NFIA: variants seen among roughly 807,000 people sequenced by gnomAD.
The protein encoded by NFIA is nuclear factor 1 A-type.
A neutral mutation model predicts 62.8 loss-of-function variants in NFIA; 8 were observed. The ratio of observed to expected loss-of-function variants is 0.13; its 90% CI spans 0.07 to 0.23. NFIA has a LOEUF of 0.23. NFIA is among the 10% of genes least tolerant of loss of function. The pLI is 1.00. For synonymous variants in NFIA, 235 were observed against 238.1 expected (o/e 0.99, Z 0.12); for missense variants, 410 against 642.1 (o/e 0.64, Z 3.91).
chr1:61,289,096 GC>G (rs1460731777), intron 3 of NFIA, among the ~76,000 whole-genome samples: 3 of 152,254 alleles, frequency 2.0e-5, no homozygotes, highest in African/African-American at 7.2e-5. Flanking sequence ...TTTTGACCAT[GC>G]CAATGGAGAG....
intron 2 of NFIA, among the ~76,000 whole-genome samples, chr1:61,161,868 G>A (rs918154823): frequency 2.0e-5 from 3 of 152,156 alleles, no homozygotes; most frequent in African/African-American, 4.8e-5. Flanking sequence ...AAAGATTAAA[G>A]CATGTTTCTG....
At chr1:61,197,468 A>G (rs1652109938) in intron 2 of NFIA, among the ~76,000 whole-genome samples, 1 of 150,580 alleles carries the variant, frequency 6.6e-6, no homozygotes, top group Non-Finnish European at 1.5e-5. Flanking sequence ...CGAACTCCTG[A>G]CCTTGCGATC....
chr1:61,403,637 C>A (rs956892271), intron 7 of NFIA, among the ~76,000 whole-genome samples: 6 of 152,084 alleles, frequency 3.9e-5, no homozygotes, highest in Non-Finnish European at 7.4e-5. Context: ...CTGAATTAGT[C>A]CCTAGAAATT....
intron 3 of NFIA, among the ~76,000 whole-genome samples, chr1:61,310,408 C>G (rs796156333): frequency 5.9e-5 from 9 of 152,322 alleles, no homozygotes; most frequent in African/African-American, 2.2e-4. Flanking sequence ...GGAGGCGATG[C>G]TGGTGCTTAT....
rs1426850842 is a variant in NFIA at position 61,458,890 on chromosome 1, A to G, written c.*3570A>G. ...GGGAACTCTGAACAGATTTGCAGGA[A>G]AAAATGTTTTAAAGGCTTTAAAACA... On this transcript the variant is annotated 3_prime_UTR_variant, in exon 11 of 11. Coordinates refer to ENST00000403491, the MANE Select transcript of NFIA (RefSeq NM_001134673.4). 1 of 152,194 alleles carries G rather than the reference A, an allele frequency of 6.6e-6. No individual in the cohort carries two copies. Among genetic ancestry groups the G allele is most frequent in the Non-Finnish European group, 1.5e-5 (1 of 68,030 alleles). 9.4% of individuals were successfully genotyped at this position (152,194 alleles called of 1,614,324 possible). A position where few individuals can be genotyped will look rare whatever the true frequency, so the allele number is the denominator to read the frequency against.
intron 2 of NFIA, among the ~76,000 whole-genome samples, chr1:61,092,302 T>C (rs1646333479): frequency 6.6e-6 from 1 of 152,188 alleles, no homozygotes; most frequent in Non-Finnish European, 1.5e-5. Context: ...TTGCTTTAAT[T>C]GTTAATTAGC....
At chr1:61,304,257 C>A (rs1268419800) in intron 3 of NFIA, among the ~76,000 whole-genome samples, 1 of 151,392 alleles carries the variant, frequency 6.6e-6, no homozygotes, top group Non-Finnish European at 1.5e-5. Flanking sequence ...GCCTGGGCAA[C>A]AGAGCGAGAC....
chr1:61,079,413 A>G (rs911437795), upstream of NFIA, among the ~76,000 whole-genome samples: 5 of 152,226 alleles, frequency 3.3e-5, no homozygotes, highest in Admixed American at 2.6e-4. Flanking sequence ...CGTAATTTAT[A>G]TATCTAAGAG....
chr1:61,175,414 T>A (rs1300680527), intron 2 of NFIA, among the ~76,000 whole-genome samples: 1 of 152,180 alleles, frequency 6.6e-6, no homozygotes, highest in African/African-American at 2.4e-5. Flanking sequence ...AGTGCTGGGA[T>A]TAGAGTCATG....
chr1:61,417,165 A>G (rs1436581298), intron 9 of NFIA, among the ~76,000 whole-genome samples: 1 of 151,842 alleles, frequency 6.6e-6, no homozygotes, highest in African/African-American at 2.4e-5. Flanking sequence ...AAGATAATAT[A>G]TGGCATTTTA....
chr1:61,340,163 G>A (rs1661821836), intron 4 of NFIA, among the ~76,000 whole-genome samples: 1 of 152,096 alleles, frequency 6.6e-6, no homozygotes, highest in South Asian at 2.1e-4. Flanking sequence ...ACCAGACTAT[G>A]AATACTCTTA....
intron 2 of NFIA, among the ~76,000 whole-genome samples, chr1:61,227,295 A>G (rs752923010): frequency 1.2e-4 from 19 of 152,142 alleles, no homozygotes; most frequent in South Asian, 4.1e-4. Flanking sequence ...ACGTTTGTTC[A>G]TTTGATTTTC....
chr1:61,196,925 GT>G (rs1290462196), intron 2 of NFIA, among the ~76,000 whole-genome samples: 1 of 150,584 alleles, frequency 6.6e-6, no homozygotes, highest in East Asian at 2.0e-4. Context: ...GTGTGTGTGT[GT>G]GTGTGTGTGT....
intron 7 of NFIA, among the ~76,000 whole-genome samples, chr1:61,392,733 G>A (rs1665044441): frequency 6.6e-6 from 1 of 152,244 alleles, no homozygotes; most frequent in Non-Finnish European, 1.5e-5. Flanking sequence ...TTGTCCCTGG[G>A]AGGACAGGTT....
At chr1:61,409,085 G>A (rs954056170) in intron 9 of NFIA, among the ~76,000 whole-genome samples, 3 of 152,188 alleles carry the variant, frequency 2.0e-5, no homozygotes, top group African/African-American at 7.2e-5. Context: ...GCACTAAGGG[G>A]CAAAGGGCAG....
chr1:61,190,494 A>G (rs1385451352), intron 2 of NFIA, among the ~76,000 whole-genome samples: 1 of 152,220 alleles, frequency 6.6e-6, no homozygotes, highest in African/African-American at 2.4e-5. Context: ...TCCTTCTAAA[A>G]CAGACACACG....
At chr1:61,106,937 CACATACATAT>C (rs1343513797) in intron 2 of NFIA, among the ~76,000 whole-genome samples, 8 of 150,878 alleles carry the variant, frequency 5.3e-5, no homozygotes, top group African/African-American at 1.7e-4. Context: ...CATATATACA[CACATACATAT>C]ACATACATAT....
At chr1:61,330,832 A>T (rs995863464) in intron 3 of NFIA, among the ~76,000 whole-genome samples, 1 of 152,130 alleles carries the variant, frequency 6.6e-6, no homozygotes, top group Non-Finnish European at 1.5e-5. Flanking sequence ...TTTCCTATTC[A>T]TCTATGAATT....
chr1:61,435,190 C>T (rs1667272400), intron 10 of NFIA, among the ~76,000 whole-genome samples: 2 of 152,190 alleles, frequency 1.3e-5, no homozygotes, highest in Admixed American at 1.3e-4. Context: ...AGTCATGATT[C>T]AAGGAGTAGG....
Sources: allele counts gnomAD v4.1 joint callset (sites outside exome capture counted in the v4.1 genomes callset), GRCh38; gene constraint gnomAD v4.1.1; transcripts MANE v1.5; gene names NCBI Gene and HGNC (gene_info 2026-07-23, HGNC 2026-07-21).